Variants in CACNA1I observed in about 807,000 individuals in gnomAD.
The protein encoded by CACNA1I is voltage-dependent T-type calcium channel subunit alpha-1I.
A neutral mutation model predicts 201.6 loss-of-function variants in CACNA1I; 74 were observed. The observed-to-expected ratio is 0.37, with a 90% CI of 0.30 to 0.45. CACNA1I has a LOEUF of 0.45. Ranked by LOEUF, CACNA1I falls within the 20% of genes least tolerant of loss-of-function variation. The pLI is 1.00. For synonymous variants in CACNA1I, 1,431 were observed against 1,345.2 expected, an observed-to-expected ratio of 1.06 and a Z score of -1.40; for missense variants, 2,346 against 3,138.1, an observed-to-expected ratio of 0.75 and a Z score of 6.03.
In CACNA1I at chr22:39,649,738, C is replaced by T. The variant is rs985320315; in HGVS notation, c.1805C>T (p.Ser602Phe). The T allele has an allele frequency of 1.3e-6, 2 of 1,573,110 alleles. No homozygotes were observed. The highest frequency in any genetic ancestry group is 2.7e-5 in the African/African-American group (2 of 74,008). Residue 602 changes from serine to phenylalanine, a missense_variant, in exon 10 of 37, where the codon TCC becomes TTC. Coordinates refer to ENST00000402142, the MANE Select transcript of CACNA1I (RefSeq NM_021096.4). The surrounding 1 kb of genome is among the most constrained non-coding windows in gnomAD (Gnocchi z 7.3). ...GCCCGGAGCAGCGAGGACGGAGCCT[C>T]CTCAGAACTGGGGAAGGAGGAGGAG... is the stretch of plus-strand genomic sequence containing the variant. ...DGARSSEDGA[S>F]SELGKEEEEE... is the part of the protein sequence containing the mutation.
chr22:39,623,440 G>A (rs576636293), intron 4 of CACNA1I, among the ~76,000 whole-genome samples: 15 of 151,962 alleles, frequency 9.9e-5, no homozygotes, highest in South Asian at 2.1e-4. Context: ...GTGAGAGTGC[G>A]TGCCTATGAA....
At chr22:39,683,834 C>T (rs1317114000) in intron 35 of CACNA1I, among the ~76,000 whole-genome samples, 3 of 152,114 alleles carry the variant, frequency 2.0e-5, no homozygotes, top group African/African-American at 7.2e-5. Context: ...GGCTGGGACG[C>T]CCCAACCCAC....
At chr22:39,616,784 A>G (rs1006999485) in intron 3 of CACNA1I, among the ~76,000 whole-genome samples, 7 of 60,478 alleles carry the variant, frequency 1.2e-4, no homozygotes, top group African/African-American at 2.1e-4. Context: ...AAAAAAAAAA[A>G]AAAGAAAAGA....
intron 10 of CACNA1I, among the ~76,000 whole-genome samples, chr22:39,654,588 C>A (rs1400769155): frequency 6.6e-6 from 1 of 152,178 alleles, no homozygotes; most frequent in Non-Finnish European, 1.5e-5. Context: ...CACTGCCAAT[C>A]CAGGTCTGGG....
At chr22:39,647,776 C>T (rs767175647) in intron 8 of CACNA1I, 46 bp from the exon 9 acceptor site, 18 of 1,346,284 alleles carry the variant, frequency 1.3e-5, no homozygotes, top group South Asian at 8.2e-5. Flanking sequence ...TTCCAGGAAA[C>T]GGTCCTGAGA....
At chr22:39,602,002 C>T (rs187378773) in intron 3 of CACNA1I, among the ~76,000 whole-genome samples, 174 of 6,570 alleles carry the variant, frequency 0.026, 7 homozygotes, top group East Asian at 0.11. Context: ...CCTTCCTTCC[C>T]TCCTTCCTTC....
chr22:39,608,762 G>T (rs1933296173), intron 3 of CACNA1I, among the ~76,000 whole-genome samples: 1 of 152,060 alleles, frequency 6.6e-6, no homozygotes, highest in Non-Finnish European at 1.5e-5. Flanking sequence ...GGAGGTTGCA[G>T]TGAGCCAAGA....
chr22:39,610,860 T>C (rs1933367591), intron 3 of CACNA1I, among the ~76,000 whole-genome samples: 1 of 152,194 alleles, frequency 6.6e-6, no homozygotes, highest in African/African-American at 2.4e-5. Context: ...TTTCCTTTCC[T>C]AGCAGTTCCA....
chr22:39,645,861 C>A (rs188474689), intron 7 of CACNA1I, among the ~76,000 whole-genome samples: 1 of 152,346 alleles, frequency 6.6e-6, no homozygotes, highest in Admixed American at 6.5e-5. Context: ...GCCTCTCCCC[C>A]TTCATTTCAT....
Position 39,570,830 on chromosome 22 carries a change from C to T in CACNA1I, c.78C>T (p.Pro26=), listed in dbSNP as rs375830956. 15 of 1,613,444 alleles carry T rather than the reference C, an allele frequency of 9.3e-6. No homozygotes were observed. Among genetic ancestry groups the T allele is most frequent in the South Asian group, 4.4e-5 (4 of 91,060 alleles). Residue 26 remains proline, a synonymous_variant, in exon 1 of 37, where the codon CCC becomes CCT. Transcript: ENST00000402142. ...AGCCAGGAGTCACCACGGAGCAGCC[C>T]GGACCCCGGAGCCCCCCATCCTCCC... ...AAEPGVTTEQ[P]GPRSPPSSPP...
chr22:39,613,923 C>T (rs1295299946), intron 3 of CACNA1I, among the ~76,000 whole-genome samples: 4 of 152,122 alleles, frequency 2.6e-5, no homozygotes, highest in Non-Finnish European at 5.9e-5. Context: ...CTGCAACCTC[C>T]GCCTCCTGGG....
intron 1 of CACNA1I, chr22:39,587,604 A>T: frequency 3.1e-6 from 1 of 319,442 alleles, no homozygotes; most frequent in Non-Finnish European, 6.1e-6. Flanking sequence ...AGAAGACAGG[A>T]GGGTATGAGG....
intron 5 of CACNA1I, among the ~76,000 whole-genome samples, chr22:39,635,257 G>C (rs745604695): frequency 1.3e-5 from 2 of 152,196 alleles, no homozygotes; most frequent in Non-Finnish European, 2.9e-5. Context: ...AGGCCCCAGG[G>C]AGTCAGAAAT....
At chr22:39,627,987 G>A (rs550332452) in intron 4 of CACNA1I, among the ~76,000 whole-genome samples, 7 of 152,184 alleles carry the variant, frequency 4.6e-5, no homozygotes, top group African/African-American at 1.4e-4. Flanking sequence ...TCTGGCGAGC[G>A]CTGGATTTGG....
chr22:39,592,480 G>A (rs980272280), intron 1 of CACNA1I, among the ~76,000 whole-genome samples: 2 of 152,172 alleles, frequency 1.3e-5, no homozygotes, highest in African/African-American at 2.4e-5. Flanking sequence ...GATTGGAGCC[G>A]TTGCTCTCTA....
intron 4 of CACNA1I, among the ~76,000 whole-genome samples, chr22:39,628,531 T>TG (rs1299591724): frequency 2.0e-5 from 3 of 151,860 alleles, no homozygotes; most frequent in Non-Finnish European, 4.4e-5. Flanking sequence ...TCTCCTGGGA[T>TG]GGGGGAAGTG....
chr22:39,587,391 G>A (rs1411030541), intron 1 of CACNA1I, among the ~76,000 whole-genome samples: 1 of 152,204 alleles, frequency 6.6e-6, no homozygotes, highest in Non-Finnish European at 1.5e-5. Context: ...AGCGGAGGGA[G>A]GCCTGGGACC....
At chr22:39,576,448 T>G (rs753781975) in intron 1 of CACNA1I, among the ~76,000 whole-genome samples, 1 of 152,236 alleles carries the variant, frequency 6.6e-6, no homozygotes, top group Non-Finnish European at 1.5e-5. Context: ...CCGATTTCTG[T>G]GCCTCCCCAG....
At chr22:39,664,962 G>A in intron 21 of CACNA1I, 39 bp downstream of exon 21, 1 of 1,590,696 alleles carries the variant, frequency 6.3e-7, no homozygotes, top group Non-Finnish European at 8.6e-7. Flanking sequence ...AAAGTGTCAT[G>A]CACTGTACCG....
Sources: gnomAD v4.1 joint callset for allele counts (sites outside exome capture counted in the v4.1 genomes callset) on GRCh38, gnomAD v4.1.1 for gene constraint, Gnocchi (gnomAD v3.1) non-coding constraint, MANE v1.5 for transcripts, NCBI Gene and HGNC (gene_info 2026-07-23, HGNC 2026-07-21) for gene names.